Variants in CNIH3 observed in about 807,000 individuals in gnomAD.
The protein encoded by CNIH3 is protein cornichon homolog 3.
Under a neutral mutation model 24.1 loss-of-function variants are expected in CNIH3, and 14 were observed. That is an observed-to-expected ratio of 0.58 (90% CI 0.38 to 0.91). CNIH3 has a LOEUF of 0.91. Ranked by LOEUF, CNIH3 falls within the 40% of genes least tolerant of loss-of-function variation. The pLI is 0.00. For missense variants in CNIH3, 178 were observed against 196.8 expected (o/e 0.90, Z 0.57); for synonymous variants, 68 against 73.8 (o/e 0.92, Z 0.40).
chr1:224,686,712 C>A (rs1558293292), intron 3 of CNIH3, among the ~76,000 whole-genome samples: 2 of 152,252 alleles, frequency 1.3e-5, no homozygotes, highest in Non-Finnish European at 2.9e-5. Flanking sequence ...ATATCCATCA[C>A]CTTTTATCCT....
At chr1:224,657,674 A>AG (rs1334523155) in intron 1 of CNIH3, among the ~76,000 whole-genome samples, 1 of 152,186 alleles carries the variant, frequency 6.6e-6, no homozygotes, top group Non-Finnish European at 1.5e-5. Flanking sequence ...CCCTCCAACG[A>AG]GAGTCCTGGA....
At chr1:224,645,065 T>C (rs1186131588) in intron 1 of CNIH3, among the ~76,000 whole-genome samples, 9 of 152,216 alleles carry the variant, frequency 5.9e-5, no homozygotes, top group Non-Finnish European at 1.2e-4. Flanking sequence ...AGTGTGAATC[T>C]CTGCTGGCCT....
intron 1 of CNIH3, among the ~76,000 whole-genome samples, chr1:224,654,905 G>A (rs557849217): frequency 1.8e-4 from 28 of 152,294 alleles, no homozygotes; most frequent in African/African-American, 5.8e-4. Context: ...TATATCCAGA[G>A]TATTTAGGAA....
At chr1:224,647,773 C>T (rs1409251238) in intron 1 of CNIH3, among the ~76,000 whole-genome samples, 1 of 151,910 alleles carries the variant, frequency 6.6e-6, no homozygotes, top group African/African-American at 2.4e-5. Context: ...AAGGGAAGGA[C>T]AGCAGCTGTG....
intron 1 of CNIH3, among the ~76,000 whole-genome samples, chr1:224,666,614 T>C (rs3012185): frequency 0.59 from 89,146 of 151,954 alleles, 28,377 homozygotes; most frequent in African/African-American, 0.83. Flanking sequence ...ATCGCCAGTT[T>C]GTGGGTTTCT....
intron 1 of CNIH3, among the ~76,000 whole-genome samples, chr1:224,475,623 C>T (rs1047972686): frequency 6.6e-6 from 1 of 152,136 alleles, no homozygotes; most frequent in African/African-American, 2.4e-5. Flanking sequence ...AGCCTGGAAC[C>T]TGATGGCTTC....
At chr1:224,593,276 AC>A (rs1374188869), downstream of CNIH3, among the ~76,000 whole-genome samples, 2 of 151,100 alleles carry the variant, frequency 1.3e-5, no homozygotes, top group African/African-American at 2.4e-5. Context: ...CAGCTCAGCC[AC>A]CCAAATAGCT....
intron 3 of CNIH3, among the ~76,000 whole-genome samples, chr1:224,705,852 TTTTTTTC>T (rs1341790838): frequency 1.5e-3 from 117 of 78,806 alleles, no homozygotes; most frequent in African/African-American, 3.9e-3. Context: ...TTTCTTTTCT[TTTTTTTC>T]TTTTTTTTTT....
chr1:224,624,183 A>G (rs1195581457), intron 1 of CNIH3, among the ~76,000 whole-genome samples: 4 of 152,162 alleles, frequency 2.6e-5, no homozygotes, highest in African/African-American at 9.7e-5. Flanking sequence ...TGATGAGGAC[A>G]TCAGTGGTCT....
intron 1 of CNIH3, among the ~76,000 whole-genome samples, chr1:224,501,135 T>A (rs2124870516): frequency 6.6e-6 from 1 of 152,338 alleles, no homozygotes; most frequent in Non-Finnish European, 1.5e-5. Flanking sequence ...ATCATGTTTC[T>A]ATCTCATGTG....
intron 1 of CNIH3, among the ~76,000 whole-genome samples, chr1:224,664,581 T>C (rs1394271559): frequency 1.3e-5 from 2 of 152,174 alleles, no homozygotes; most frequent in African/African-American, 2.4e-5. Flanking sequence ...GTATTCTCCA[T>C]TGTAGTTAAA....
At position 224,638,513 on chromosome 1, in the gene CNIH3, T is replaced by G. The variant is rs532046163; in HGVS notation, c.81+21258T>G. Among the ~76,000 whole-genome samples, 6 of 152,342 alleles carry G rather than the reference T, an allele frequency of 3.9e-5. No homozygotes were observed. The South Asian group carries it at 1.2e-3, about 32-fold the overall frequency. ...TTGGGCTCTAGAACTCTCCTCTGGC[T>G]TGCCTTTCCTGACTTTACCAGCGGT... On this transcript the variant is annotated intron_variant, in intron 1 of 5. Coordinates refer to ENST00000272133, the MANE Select transcript of CNIH3 (RefSeq NM_152495.2).
At chr1:224,672,700 C>G (rs1182884854) in intron 1 of CNIH3, among the ~76,000 whole-genome samples, 1 of 152,192 alleles carries the variant, frequency 6.6e-6, no homozygotes, top group Non-Finnish European at 1.5e-5. Flanking sequence ...TGCAAAGACC[C>G]TATTTCTAAA....
intron 1 of CNIH3, among the ~76,000 whole-genome samples, chr1:224,673,679 T>C (rs1270086678): frequency 6.6e-6 from 1 of 152,238 alleles, no homozygotes; most frequent in Non-Finnish European, 1.5e-5. Context: ...CTTATCTATT[T>C]GTGAATTATC....
chr1:224,530,958 C>T (rs1679043297), intron 2 of CNIH3, among the ~76,000 whole-genome samples: 1 of 152,130 alleles, frequency 6.6e-6, no homozygotes. Context: ...CATGACTCTC[C>T]TTTTTTCCCC....
intron 1 of CNIH3, among the ~76,000 whole-genome samples, chr1:224,477,919 T>C (rs996781424): frequency 5.9e-5 from 9 of 151,902 alleles, no homozygotes; most frequent in Non-Finnish European, 1.0e-4. Context: ...GTTTGAAGGA[T>C]TTTTTTTTCC....
intron 3 of CNIH3, among the ~76,000 whole-genome samples, chr1:224,715,064 G>C (rs550382623): frequency 1.6e-4 from 24 of 152,206 alleles, no homozygotes; most frequent in Admixed American, 9.8e-4. Context: ...GTTCACACGC[G>C]TCTCCCTAGT....
chr1:224,734,444 G>A (rs1435687518), intron 4 of CNIH3, 119 bp from the exon 5 acceptor site: 7 of 977,640 alleles, frequency 7.2e-6, no homozygotes, highest in Non-Finnish European at 9.3e-6. Flanking sequence ...GATTTGGGCA[G>A]AAGGCAGGCA....
At chr1:224,675,773 A>C (rs10915691) in intron 1 of CNIH3, among the ~76,000 whole-genome samples, 103,449 of 152,056 alleles carry the variant, frequency 0.68, 35,866 homozygotes, top group Middle Eastern at 0.82. Flanking sequence ...TGTAATGATA[A>C]CTCGACACAC....
Sources: gnomAD v4.1 joint callset for allele counts (sites outside exome capture counted in the v4.1 genomes callset) on GRCh38, gnomAD v4.1.1 for gene constraint, MANE v1.5 for transcripts, NCBI Gene and HGNC (gene_info 2026-07-23, HGNC 2026-07-21) for gene names.